Variants in CORO1B observed in about 807,000 individuals in gnomAD.
The protein encoded by CORO1B is coronin-1B.
CORO1B carries 30 observed loss-of-function variants against 51.1 expected under a neutral mutation model. The observed-to-expected ratio is 0.59, with a 90% CI of 0.44 to 0.80. The LOEUF is 0.80. Among genes scored for constraint, CORO1B ranks in the 30% least tolerant of loss-of-function variants. CORO1B has a pLI of 0.00. For missense variants in CORO1B, 648 were observed against 700.4 expected (o/e 0.93, Z 0.84); for synonymous variants, 310 against 289.7 (o/e 1.07, Z -0.71).
intron 9 of CORO1B, 49 bp from the exon 10 acceptor site, chr11:67,438,998 G>A (rs761542828): frequency 7.8e-6 from 12 of 1,544,124 alleles, no homozygotes; most frequent in Non-Finnish European, 1.0e-5. Context: ...GCCCCATCAG[G>A]GTCCCCTCAT....
Position 67,438,671 on chromosome 11 carries a change from C to T in CORO1B, c.1344G>A (p.Gly448=). 6.5e-7 allele frequency: 1 copy of T among 1,537,048 alleles called. No individual in the cohort carries two copies. The highest frequency in any genetic ancestry group is 8.7e-7 in the Non-Finnish European group (1 of 1,143,868). ...ACCACCCCTGCCTGCGCGTGCATAC[C>T]CCGGCTCTGGCCAGGCTGCCGCTGG... ...ATPSGSLARA[G]EAGKLEEVMQ... The change falls in exon 10 of 11, where the codon GGG becomes GGA. Residue 448 remains glycine, a splice_region_variant and synonymous_variant. Transcript: ENST00000341356.
Position 67,443,476 on chromosome 11 carries a change from G to C in CORO1B, c.-75C>G. The C allele has an allele frequency of 1.0e-6, 1 of 986,224 alleles. No individual in the cohort carries two copies. The highest frequency in any genetic ancestry group is 1.2e-6 in the Non-Finnish European group (1 of 830,122). The allele number at this position is 986,224 out of a possible 1,614,324, so 61.1% of individuals were successfully genotyped here. ...TCCGGATCCCGGCCTCTGGGAAGCA[G>C]GAAGCAGGATTCAGGAAGTGACAGA... On this transcript the variant is annotated 5_prime_UTR_variant, in exon 1 of 11. Coordinates refer to ENST00000341356, the MANE Select transcript of CORO1B (RefSeq NM_020441.3).
chr11:67,439,690 A>C (rs1302201606), intron 9 of CORO1B, 96 bp downstream of exon 9: 2 of 1,253,128 alleles, frequency 1.6e-6, no homozygotes, highest in Non-Finnish European at 1.1e-6. Flanking sequence ...AAACCATACT[A>C]GGTCATGTTC....
chr11:67,438,308 G>A lies in CORO1B; in HGVS notation c.*68C>T, dbSNP rs769830640. ...TCTGGGCAGCCAGCTAGCCCGGTGCGACCCGCTGGCAGAAGCTGAGTGGGA... is the reference window on the plus strand; with the variant it reads ...TCTGGGCAGCCAGCTAGCCCGGTGCAACCCGCTGGCAGAAGCTGAGTGGGA... On this transcript the variant is annotated 3_prime_UTR_variant, in exon 11 of 11. Coordinates refer to ENST00000341356, the MANE Select transcript of CORO1B (RefSeq NM_020441.3). The A allele has an allele frequency of 1.0e-4, 154 of 1,541,748 alleles. No homozygotes were observed. The highest frequency in any genetic ancestry group is 1.3e-4 in the Non-Finnish European group (147 of 1,143,028).
chr11:67,439,292 C>T (rs867866627), intron 9 of CORO1B, among the ~76,000 whole-genome samples: 14 of 152,334 alleles, frequency 9.2e-5, no homozygotes, highest in South Asian at 4.1e-4. Context: ...AAAGAGCAGT[C>T]GGCAAATGCT....
At position 67,438,162 on chromosome 11, in the gene CORO1B, C is replaced by G. The variant is rs553083802; in HGVS notation, c.*214G>C. 4 of 526,266 alleles carry G rather than the reference C, an allele frequency of 7.6e-6. No individual in the cohort carries two copies. Among genetic ancestry groups the G allele is most frequent in the Admixed American group, 7.0e-5 (2 of 28,606 alleles). 32.6% of individuals were successfully genotyped at this position (526,266 alleles called of 1,614,324 possible). On this transcript the variant is annotated 3_prime_UTR_variant, in exon 11 of 11. Transcript: ENST00000341356. The stretch of plus-strand genomic sequence containing the variant: ...GTCGGGGAGATGGTCCCTCAGAGGT[C>G]GAGGAGCTCGCCTGGGCGTAGACAT...
Position 67,435,841 on chromosome 11 carries a change from GC to G in CORO1B, c.*2534del, listed in dbSNP as rs1864258281. ...GGTCACTCAGCAGGGCCTCAGCACT[GC>G]CCCCTGCGCTCGCTGGTCCTGGGGA... On this transcript the variant is annotated 3_prime_UTR_variant, in exon 11 of 11. Transcript: ENST00000341356. 1.2e-6 allele frequency: 2 copies of G among 1,608,662 alleles called. No individual in the cohort carries two copies. Among genetic ancestry groups the G allele is most frequent in the East Asian group, 4.5e-5 (2 of 44,842 alleles).
rs1030515513 is a variant in CORO1B at position 67,440,083 on chromosome 11, C to T, written c.1007+35G>A. On this transcript the variant is annotated intron_variant, in intron 8 of 10. Transcript: ENST00000341356. Reference sequence around the variant, plus strand: ...ATGACCTGACCTCTCACCTTAGATGCCCCTATCCCCGAGTGGCCTCGGTAG... The same window carrying T: ...ATGACCTGACCTCTCACCTTAGATGTCCCTATCCCCGAGTGGCCTCGGTAG... 3.2e-6 allele frequency: 5 copies of T among 1,581,726 alleles called. No individual in the cohort carries two copies. In the African/African-American group the frequency reaches 5.4e-5, roughly 17 times the overall value.
Position 67,439,797 on chromosome 11 carries a change from C to T in CORO1B, c.1054G>A (p.Val352Met). 1 of 1,589,490 alleles carries T rather than the reference C, an allele frequency of 6.3e-7. No individual in the cohort carries two copies. Among genetic ancestry groups the T allele is most frequent in the Non-Finnish European group, 8.6e-7 (1 of 1,168,488 alleles). The change falls in exon 9 of 11, where the codon GTG becomes ATG. Residue 352 changes from valine to methionine, a missense_variant. By Grantham distance (21) the Val-to-Met change is conservative. Transcript: ENST00000341356. ...ACGGGCGGCCTCACCTTTCTTGGCACAGTCATGACGATGGGCTCACACTTG... is the reference window on the plus strand; with the variant it reads ...ACGGGCGGCCTCACCTTTCTTGGCATAGTCATGACGATGGGCTCACACTTG... ...ERKCEPIVMT[V>M]PRKSDLFQDD...
Position 67,438,696 on chromosome 11 carries a change from G to A in CORO1B, c.1319C>T (p.Pro440Leu), listed in dbSNP as rs1470516699. The A allele has an allele frequency of 1.3e-6, 2 of 1,546,802 alleles. No individual in the cohort carries two copies. The highest frequency in any genetic ancestry group is 1.7e-6 in the Non-Finnish European group (2 of 1,149,094). ...CCCGGCTCTGGCCAGGCTGCCGCTGGGGGTGGCATCAGCAGCAGTGGTGGT... is the reference window on the plus strand; with the variant it reads ...CCCGGCTCTGGCCAGGCTGCCGCTGAGGGTGGCATCAGCAGCAGTGGTGGT... ...ASTTTAADAT[P>L]SGSLARAGEA... is the part of the protein sequence containing the mutation. The change falls in exon 10 of 11, where the codon CCC becomes CTC. Residue 440 changes from proline (P) to leucine (L), a missense_variant. Transcript: ENST00000341356.
Position 67,438,796 on chromosome 11 carries a change from T to G in CORO1B, c.1219A>C (p.Ser407Arg), listed in dbSNP as rs772581541. 3.7e-6 allele frequency: 6 copies of G among 1,603,862 alleles called. No homozygotes were observed. The highest frequency in any genetic ancestry group is 1.3e-5 in the African/African-American group (1 of 74,834). The stretch of plus-strand genomic sequence containing the variant: ...CTGTCAGACAACACGTTGCGCCGGC[T>G]GATCTTCAGGTCCCGCTGCTTGCTG... ...VPSKQRDLKI[S>R]RRNVLSDSRP... The change falls in exon 10 of 11, where the codon AGC becomes CGC. Residue 407 changes from serine to arginine, a missense_variant. Physicochemically the swap from Ser to Arg is moderately radical, Grantham distance 110 (BLOSUM62 -1). Transcript: ENST00000341356.
In CORO1B at chr11:67,438,826, CGTA is replaced by C; in HGVS notation, c.1186_1188del (p.Tyr396del). 6.2e-7 allele frequency: 1 copy of C among 1,608,914 alleles called. No homozygotes were observed. The highest frequency in any genetic ancestry group is 1.1e-5 in the South Asian group (1 of 90,352). On this transcript the variant is annotated inframe_deletion, in exon 10 of 11. Transcript: ENST00000341356. ...TTCAGGTCCCGCTGCTTGCTGGGCA[CGTA>C]GGCCTCCCGCAGTGAGATGAGGATC...
Position 67,437,676 on chromosome 11 carries a change from G to A in CORO1B, c.*700C>T. ...ACCTCCAGCTCTGGCTGTGTCGAGC[G>A]AGAAGTGAGCTCAGTGCTCGTCTGC... On this transcript the variant is annotated 3_prime_UTR_variant, in exon 11 of 11. Coordinates refer to ENST00000341356, the MANE Select transcript of CORO1B (RefSeq NM_020441.3). 5 of 1,348,090 alleles carry A rather than the reference G, an allele frequency of 3.7e-6. No homozygotes were observed. Among genetic ancestry groups the A allele is most frequent in the South Asian group, 4.6e-5 (2 of 43,834 alleles). 83.5% of individuals were successfully genotyped at this position (1,348,090 alleles called of 1,614,324 possible).
In CORO1B at chr11:67,437,564, C is replaced by A; in HGVS notation, c.*812G>T. Reference sequence around the variant, plus strand: ...AGCTCCACAGGCCCAGACATTCTAGCCCCGACCGCCTGTGGCCCCCATCCC... The same window carrying A: ...AGCTCCACAGGCCCAGACATTCTAGACCCGACCGCCTGTGGCCCCCATCCC... On this transcript the variant is annotated 3_prime_UTR_variant, in exon 11 of 11. Coordinates refer to ENST00000341356, the MANE Select transcript of CORO1B (RefSeq NM_020441.3). 7.5e-7 allele frequency: 1 copy of A among 1,338,014 alleles called. No homozygotes were observed. The highest frequency in any genetic ancestry group is 9.7e-7 in the Non-Finnish European group (1 of 1,034,756). 82.9% of individuals were successfully genotyped at this position (1,338,014 alleles called of 1,614,324 possible).
Position 67,439,782 on chromosome 11 carries a change from T to C in CORO1B, c.1065+4A>G. ...CAAGTGAGCCGAGGGACGGGCGGCC[T>C]CACCTTTCTTGGCACAGTCATGACG... On this transcript the variant is annotated splice_donor_region_variant and intron_variant, in intron 9 of 10. Transcript: ENST00000341356. 1 of 1,585,366 alleles carries C rather than the reference T, an allele frequency of 6.3e-7. No homozygotes were observed. Among genetic ancestry groups the C allele is most frequent in the African/African-American group, 1.3e-5 (1 of 74,750 alleles).
chr11:67,440,557 GCC>G, intron 6 of CORO1B, 118 bp from the exon 7 acceptor site: 1 of 904,218 alleles, frequency 1.1e-6, no homozygotes, highest in Non-Finnish European at 1.8e-6. Context: ...ATGCAGGTGG[GCC>G]CTCTGCCATC....
rs1250277988 is a variant in CORO1B, at chr11:67,435,866, G to A, written c.*2510C>T. On this transcript the variant is annotated 3_prime_UTR_variant, in exon 11 of 11. Coordinates refer to ENST00000341356, the MANE Select transcript of CORO1B (RefSeq NM_020441.3). ...GCCCCCTGCGCTCGCTGGTCCTGGG[G>A]AGCCGAGGACCAGGTCGCCCTCCGT... 6.8e-6 allele frequency: 11 copies of A among 1,610,706 alleles called. No homozygotes were observed. Among genetic ancestry groups the A allele is most frequent in the African/African-American group, 2.7e-5 (2 of 74,904 alleles).
chr11:67,437,672 G>A lies in CORO1B; in HGVS notation c.*704C>T, dbSNP rs1022373941. On this transcript the variant is annotated 3_prime_UTR_variant, in exon 11 of 11. Coordinates refer to ENST00000341356, the MANE Select transcript of CORO1B (RefSeq NM_020441.3). The stretch of plus-strand genomic sequence containing the variant: ...ACCCACCTCCAGCTCTGGCTGTGTC[G>A]AGCGAGAAGTGAGCTCAGTGCTCGT... 1.5e-6 allele frequency: 2 copies of A among 1,349,316 alleles called. No individual in the cohort carries two copies. The highest frequency in any genetic ancestry group is 3.0e-5 in the Admixed American group (1 of 33,266). 83.6% of individuals were successfully genotyped at this position (1,349,316 alleles called of 1,614,324 possible).
rs770470096 is a variant in CORO1B, at chr11:67,435,689, G to A, written c.*2687C>T. 8.0e-6 allele frequency: 12 copies of A among 1,497,330 alleles called. No homozygotes were observed. Among genetic ancestry groups the A allele is most frequent in the Middle Eastern group, 1.8e-4 (1 of 5,494 alleles). The allele number at this position is 1,497,330 out of a possible 1,614,324, so 92.8% of individuals were successfully genotyped here. A position where few individuals can be genotyped will look rare whatever the true frequency, so the allele number is the denominator to read the frequency against. On this transcript the variant is annotated 3_prime_UTR_variant, in exon 11 of 11. Coordinates refer to ENST00000341356, the MANE Select transcript of CORO1B (RefSeq NM_020441.3). ...TGGCATCTTGGGAAGCAGAGGCACGGGGAGTGAGCGGCTGTGACAGGGATG... is the reference window on the plus strand; with the variant it reads ...TGGCATCTTGGGAAGCAGAGGCACGAGGAGTGAGCGGCTGTGACAGGGATG...
Sources: gnomAD v4.1 joint callset for allele counts (sites outside exome capture counted in the v4.1 genomes callset) on GRCh38, gnomAD v4.1.1 for gene constraint, MANE v1.5 for transcripts, NCBI Gene and HGNC (gene_info 2026-07-23, HGNC 2026-07-21) for gene names.